OPCML: variants seen among roughly 807,000 people sequenced by gnomAD.
OPCML encodes the protein opioid binding protein/cell adhesion molecule like, also known as opioid-binding protein/cell adhesion molecule.
OPCML carries 13 observed loss-of-function variants against 37.8 expected under a neutral mutation model. That is an observed-to-expected ratio of 0.34 (90% CI 0.22 to 0.55). OPCML has a LOEUF of 0.55. Ranked by LOEUF, OPCML falls within the 20% of genes least tolerant of loss-of-function variation. The probability of loss-of-function intolerance (pLI) is 0.91; values close to 1 mark genes in which losing one functional copy is unlikely to be tolerated. For missense variants in OPCML, 341 were observed against 435.6 expected (o/e 0.78, Z 1.93); for synonymous variants, 176 against 168.8 (o/e 1.04, Z -0.33).
rs1393968733 is a variant in OPCML at position 132,790,845 on chromosome 11, A to G, written c.147-133526T>C. On this transcript the variant is annotated intron_variant, in intron 2 of 7. Transcript: ENST00000524381. The stretch of plus-strand genomic sequence containing the variant: ...TGGTTATGGGAAAAGAGTAAGAACA[A>G]TATCATCCACCATAGAAATCACACG... 3.3e-5 allele frequency among the ~76,000 whole-genome samples: 5 copies of G among 152,360 alleles called. No individual in the cohort carries two copies. The East Asian group carries it at 7.7e-4, about 24-fold the overall frequency.
At chr11:133,516,894 T>C (rs1423540930) in intron 1 of OPCML, among the ~76,000 whole-genome samples, 1 of 152,226 alleles carries the variant, frequency 6.6e-6, no homozygotes, top group African/African-American at 2.4e-5. Flanking sequence ...GTGTTACTCA[T>C]TTTTACCACA....
At chr11:133,254,131 A>C (rs1941238797) in intron 1 of OPCML, among the ~76,000 whole-genome samples, 1 of 152,176 alleles carries the variant, frequency 6.6e-6, no homozygotes, top group African/African-American at 2.4e-5. Context: ...GGCATCAAAA[A>C]AGGGGGTATT....
chr11:133,087,466 G>C (rs141791239), intron 1 of OPCML, among the ~76,000 whole-genome samples: 1 of 151,736 alleles, frequency 6.6e-6, no homozygotes, highest in African/African-American at 2.4e-5. Flanking sequence ...AAGTCCCCAG[G>C]GTCTACTGTT....
chr11:133,373,674 T>C (rs1017693898), intron 1 of OPCML, among the ~76,000 whole-genome samples: 15 of 151,064 alleles, frequency 9.9e-5, no homozygotes, highest in Non-Finnish European at 3.0e-5. Context: ...AGAAAATAAA[T>C]TAAGTGACAT....
intron 2 of OPCML, among the ~76,000 whole-genome samples, chr11:132,683,181 G>T (rs1445981470): frequency 2.0e-5 from 3 of 152,184 alleles, no homozygotes; most frequent in Non-Finnish European, 4.4e-5. Context: ...TTGGGAAGTT[G>T]AGGCTGGAAG....
intron 4 of OPCML, among the ~76,000 whole-genome samples, chr11:132,475,827 T>G (rs1415331494): frequency 6.6e-6 from 1 of 152,228 alleles, no homozygotes; most frequent in Non-Finnish European, 1.5e-5. Context: ...AAACATTGTA[T>G]GGCTATTGAA....
chr11:132,502,566 G>T (rs149178869), intron 4 of OPCML, among the ~76,000 whole-genome samples: 1 of 152,280 alleles, frequency 6.6e-6, no homozygotes, highest in East Asian at 1.9e-4. Context: ...GAATACAGTT[G>T]CAATAATGTC....
rs190427338 is a variant in OPCML at position 132,887,842 on chromosome 11, T to C, written c.146+55084A>G. Among the ~76,000 whole-genome samples the C allele has an allele frequency of 1.4e-3, 212 of 152,352 alleles. 1 individual carries two copies. The highest frequency in any genetic ancestry group is 2.5e-3 in the Non-Finnish European group (170 of 68,042). On this transcript the variant is annotated intron_variant, in intron 2 of 7. Transcript: ENST00000524381. ...TTCTACTACGCTTAGCTTTCTATCT[T>C]ACTCTGCCTAAGCTGTGCCATGTGA...
intron 1 of OPCML, among the ~76,000 whole-genome samples, chr11:133,096,441 G>A (rs1194755877): frequency 6.6e-6 from 1 of 151,778 alleles, no homozygotes; most frequent in African/African-American, 2.4e-5. Context: ...AAACACAAAA[G>A]AAAGAAAAGG....
chr11:133,135,663 A>C (rs1592035047), intron 1 of OPCML, among the ~76,000 whole-genome samples: 1 of 151,932 alleles, frequency 6.6e-6, no homozygotes, highest in Non-Finnish European at 1.5e-5. Flanking sequence ...AGGGCAGAAG[A>C]CTCCCAAAAT....
At chr11:132,742,090 T>C (rs1945451605) in intron 2 of OPCML, among the ~76,000 whole-genome samples, 1 of 152,104 alleles carries the variant, frequency 6.6e-6, no homozygotes, top group African/African-American at 2.4e-5. Flanking sequence ...TGACTTCCTT[T>C]AGTAAATGGT....
intron 1 of OPCML, among the ~76,000 whole-genome samples, chr11:133,229,911 G>T (rs1240402964): frequency 4.6e-5 from 7 of 152,156 alleles, no homozygotes; most frequent in Admixed American, 4.6e-4. Flanking sequence ...ATGTACATGT[G>T]GCGTGAATAC....
rs1270955964 is a variant in OPCML, at chr11:133,211,433, G to A, written c.62-268423C>T. Among the ~76,000 whole-genome samples, 1 of 152,180 alleles carries A rather than the reference G, an allele frequency of 6.6e-6. No individual in the cohort carries two copies. The highest frequency in any genetic ancestry group is 2.4e-5 in the African/African-American group (1 of 41,442). ...AGAGCCTTGCACCTGTCAGGGATGG[G>A]TTTCCTGCACTACAATAAGACATTG... On this transcript the variant is annotated intron_variant, in intron 1 of 7. Coordinates refer to ENST00000524381, the MANE Select transcript of OPCML (RefSeq NM_001012393.5). This position sits in a 1 kb window ranked among gnomAD's most constrained non-coding sequence, Gnocchi z 4.1.
chr11:133,161,983 G>GTCTTTTTT (rs1950147974), intron 1 of OPCML, among the ~76,000 whole-genome samples: 1 of 78,016 alleles, frequency 1.3e-5, no homozygotes, highest in Non-Finnish European at 2.7e-5. Context: ...GGCAGTCTCT[G>GTCTTTTTT]TCTTTTTTTT....
intron 4 of OPCML, among the ~76,000 whole-genome samples, chr11:132,502,392 C>T (rs886106766): frequency 3.9e-5 from 6 of 152,256 alleles, no homozygotes; most frequent in South Asian, 4.1e-4. Context: ...GCCTCCTGGC[C>T]AGCACCAATG....
Position 133,174,012 on chromosome 11 carries a change from G to A in OPCML, c.62-231002C>T, listed in dbSNP as rs1431113087. Among the ~76,000 whole-genome samples the A allele has an allele frequency of 6.6e-6, 1 of 152,246 alleles. No individual in the cohort carries two copies. Among genetic ancestry groups the A allele is most frequent in the African/African-American group, 2.4e-5 (1 of 41,460 alleles). On this transcript the variant is annotated intron_variant, in intron 1 of 7. Transcript: ENST00000524381. The surrounding 1 kb of genome is among the most constrained non-coding windows in gnomAD (Gnocchi z 4.6). ...ACATAAATCAGGGGCAGCAACGGAT[G>A]AGCATGGAGAAACGGCCTGGCAGGC...
At chr11:133,284,202 C>G (rs1350613930) in intron 1 of OPCML, among the ~76,000 whole-genome samples, 1 of 152,154 alleles carries the variant, frequency 6.6e-6, no homozygotes, top group Non-Finnish European at 1.5e-5. Flanking sequence ...AGGATAAACC[C>G]AAACCCAACC....
At chr11:133,356,506 G>A (rs909674972) in intron 1 of OPCML, among the ~76,000 whole-genome samples, 4 of 152,126 alleles carry the variant, frequency 2.6e-5, no homozygotes, top group South Asian at 2.1e-4. Flanking sequence ...GTTGTCAGGC[G>A]CCTTGTCACC....
intron 1 of OPCML, among the ~76,000 whole-genome samples, chr11:132,948,850 T>C (rs1468244465): frequency 6.6e-6 from 1 of 152,206 alleles, no homozygotes; most frequent in African/African-American, 2.4e-5. Flanking sequence ...AGGTTATAAA[T>C]GCCCTATGTA....
Sources: allele counts gnomAD v4.1 joint callset (sites outside exome capture counted in the v4.1 genomes callset), GRCh38; gene constraint gnomAD v4.1.1; non-coding constraint Gnocchi (gnomAD v3.1); transcripts MANE v1.5; gene names NCBI Gene and HGNC (gene_info 2026-07-23, HGNC 2026-07-21).